The following AKAP19 variants were observed in gnomAD, a reference collection of about 807,000 sequenced individuals.
AKAP19 encodes the protein A-kinase anchoring protein 19.
At chr2:189,936,776 G>A in the AKAP19 span, among the ~76,000 whole-genome samples, 2 of 152,158 alleles carry the variant, frequency 1.3e-5, no homozygotes, top group Non-Finnish European at 2.9e-5. Context: ...CTGAGTGAAA[G>A]AGACCTTACA....
the AKAP19 span, among the ~76,000 whole-genome samples, chr2:190,157,860 G>C: frequency 3.3e-5 from 5 of 152,172 alleles, no homozygotes; most frequent in African/African-American, 1.2e-4. Context: ...AGTGAGGGAA[G>C]AGAGAGACCC....
the AKAP19 span, among the ~76,000 whole-genome samples, chr2:190,052,457 C>A: frequency 6.6e-6 from 1 of 152,134 alleles, no homozygotes; most frequent in Non-Finnish European, 1.5e-5. Context: ...CTCATGAAAT[C>A]ATGTAGGCAT....
At chr2:189,932,303 G>A in the AKAP19 span, among the ~76,000 whole-genome samples, 3 of 151,952 alleles carry the variant, frequency 2.0e-5, no homozygotes, top group Non-Finnish European at 2.9e-5. Flanking sequence ...AGCTACTCGG[G>A]AGGCTGAGGC....
the AKAP19 span, among the ~76,000 whole-genome samples, chr2:190,021,638 T>G: frequency 6.6e-6 from 1 of 152,232 alleles, no homozygotes; most frequent in Non-Finnish European, 1.5e-5. Flanking sequence ...AGCCAATGAC[T>G]GGGCATGGTG....
At chr2:189,928,701 A>G in the AKAP19 span, among the ~76,000 whole-genome samples, 1 of 152,266 alleles carries the variant, frequency 6.6e-6, no homozygotes, top group East Asian at 1.9e-4. Flanking sequence ...TGAATGTCAA[A>G]TCTTTACAAA....
At chr2:190,029,585 T>C in the AKAP19 span, among the ~76,000 whole-genome samples, 4 of 152,218 alleles carry the variant, frequency 2.6e-5, no homozygotes, top group Non-Finnish European at 4.4e-5. Flanking sequence ...TATCAGAGGT[T>C]GGCAAGCTTT....
the AKAP19 span, among the ~76,000 whole-genome samples, chr2:190,108,512 G>A: frequency 4.6e-5 from 7 of 152,108 alleles, no homozygotes; most frequent in African/African-American, 1.4e-4. Flanking sequence ...GATTTGCCTG[G>A]GAATTATCCT....
the AKAP19 span, among the ~76,000 whole-genome samples, chr2:189,972,306 A>G: frequency 1.3e-5 from 2 of 151,916 alleles, no homozygotes; most frequent in Admixed American, 1.3e-4. Context: ...GTGTGGTATT[A>G]TTTCTGAGGG....
the AKAP19 span, among the ~76,000 whole-genome samples, chr2:190,089,109 AGTT>A: frequency 6.6e-6 from 1 of 152,150 alleles, no homozygotes; most frequent in African/African-American, 2.4e-5. Flanking sequence ...TGCAAATCAC[AGTT>A]ACCCTTTGTC....
At chr2:190,187,220 A>C in the AKAP19 span, among the ~76,000 whole-genome samples, 1 of 152,180 alleles carries the variant, frequency 6.6e-6, no homozygotes, top group African/African-American at 2.4e-5. Flanking sequence ...ATTTACATTA[A>C]TTCAGGGTGA....
At chr2:190,196,694 G>C in the AKAP19 span, among the ~76,000 whole-genome samples, 1 of 152,040 alleles carries the variant, frequency 6.6e-6, no homozygotes, top group Non-Finnish European at 1.5e-5. Context: ...GATTATTTCT[G>C]TTTGAACTTA....
At chr2:189,881,566 G>C in the AKAP19 span, among the ~76,000 whole-genome samples, 2 of 152,308 alleles carry the variant, frequency 1.3e-5, no homozygotes, top group South Asian at 2.1e-4. Context: ...AGGCAGGTAT[G>C]AAAGTGGCTT....
the AKAP19 span, among the ~76,000 whole-genome samples, chr2:190,040,881 C>T: frequency 4.6e-5 from 7 of 151,988 alleles, no homozygotes; most frequent in Non-Finnish European, 8.8e-5. Flanking sequence ...TTTGTCTATG[C>T]GTCTGTCTTT....
At chr2:190,076,514 G>T in the AKAP19 span, among the ~76,000 whole-genome samples, 1 of 152,148 alleles carries the variant, frequency 6.6e-6, no homozygotes, top group African/African-American at 2.4e-5. Flanking sequence ...TTTGTCTGAA[G>T]AAGACATTAT....
the AKAP19 span, among the ~76,000 whole-genome samples, chr2:189,978,375 G>A: frequency 1.3e-5 from 2 of 151,944 alleles, no homozygotes; most frequent in African/African-American, 2.4e-5. Flanking sequence ...AATCACAACA[G>A]TTTGGGAGGC....
the AKAP19 span, among the ~76,000 whole-genome samples, chr2:190,099,414 G>A: frequency 6.6e-6 from 1 of 152,150 alleles, no homozygotes. Flanking sequence ...AGTTTGTGGA[G>A]CAGTCAGGAC....
chr2:189,972,263 G>C, the AKAP19 span, among the ~76,000 whole-genome samples: 4 of 151,978 alleles, frequency 2.6e-5, no homozygotes, highest in Non-Finnish European at 5.9e-5. Context: ...TCTTGTTTTT[G>C]TCAGGTTTGT....
the AKAP19 span, among the ~76,000 whole-genome samples, chr2:190,008,133 A>G: frequency 6.6e-6 from 1 of 152,234 alleles, no homozygotes; most frequent in Non-Finnish European, 1.5e-5. Flanking sequence ...TTAAAATGTA[A>G]CTGAAATATC....
At chr2:189,986,230 T>C in the AKAP19 span, among the ~76,000 whole-genome samples, 6 of 152,012 alleles carry the variant, frequency 3.9e-5, no homozygotes, top group African/African-American at 1.4e-4. Flanking sequence ...TCAATGTGAG[T>C]TGGAGTCATG....
Sources: gnomAD v4.1 joint callset for allele counts (sites outside exome capture counted in the v4.1 genomes callset) on GRCh38, gnomAD v4.1.1 for gene constraint, MANE v1.5 for transcripts, NCBI Gene and HGNC (gene_info 2026-07-23, HGNC 2026-07-21) for gene names.